Variants in NPIPB7 observed in about 807,000 individuals in gnomAD.
NPIPB7 encodes the protein nuclear pore complex-interacting protein family member B7.
For synonymous variants in NPIPB7, 9 were observed against 88.1 expected, an observed-to-expected ratio of 0.10 and a Z score of 5.03; for missense variants, 14 against 238.5, an observed-to-expected ratio of 0.06 and a Z score of 6.20.
At chr16:28,470,919 C>CT (rs1297737114), upstream of NPIPB7, among the ~76,000 whole-genome samples, 2 of 110,222 alleles carry the variant, frequency 1.8e-5, no homozygotes, top group Non-Finnish European at 3.8e-5. Flanking sequence ...TGGGCCCTCC[C>CT]TTAGCAAACC....
chr16:28,468,655 A>C (rs1641772324), intron 1 of NPIPB7, among the ~76,000 whole-genome samples: 1 of 145,278 alleles, frequency 6.9e-6, no homozygotes, highest in Admixed American at 7.1e-5. Flanking sequence ...AAATTACAAA[A>C]AATTAGCAGG....
chr16:28,468,726 G>A (rs2045920712), intron 1 of NPIPB7, among the ~76,000 whole-genome samples: 1 of 127,964 alleles, frequency 7.8e-6, no homozygotes, highest in Non-Finnish European at 1.7e-5. Context: ...AGAATCACTT[G>A]AACCCAGGAG....
intron 4 of NPIPB7, among the ~76,000 whole-genome samples, chr16:28,462,172 C>T (rs2141679740): frequency 6.7e-6 from 1 of 150,194 alleles, no homozygotes; most frequent in African/African-American, 2.5e-5. Context: ...CTAATCCCAG[C>T]ACTTTGGGAG....
chr16:28,461,896 C>G (rs2045872373), intron 4 of NPIPB7, among the ~76,000 whole-genome samples: 1 of 132,686 alleles, frequency 7.5e-6, no homozygotes. Context: ...TGCAGTGAGC[C>G]AAGATCATGC....
At position 28,460,615 on chromosome 16, in the gene NPIPB7, CAG is replaced by C. The variant is rs1472101112; in HGVS notation, c.546-2026_546-2025del. 8.6e-5 allele frequency among the ~76,000 whole-genome samples: 11 copies of C among 127,860 alleles called. 2 individuals are homozygous for C. The highest frequency in any genetic ancestry group is 2.1e-4 in the African/African-American group (7 of 33,282). The allele number at this position is 127,860 out of a possible 152,430, so 83.9% of individuals were successfully genotyped here. ...GTAAAATTCCCAGAACGCTAGGAAACAGGGGTGAAAACACTTCAAAGAGAAAG... is the reference window on the plus strand; with the variant it reads ...GTAAAATTCCCAGAACGCTAGGAAACGGGTGAAAACACTTCAAAGAGAAAG... On this transcript the variant is annotated intron_variant, in intron 4 of 6. Coordinates refer to ENST00000452313, the Ensembl canonical transcript of NPIPB7.
At chr16:28,471,819 A>G (rs2045952208), upstream of NPIPB7, among the ~76,000 whole-genome samples, 1 of 150,848 alleles carries the variant, frequency 6.6e-6, no homozygotes, top group Non-Finnish European at 1.5e-5. Flanking sequence ...TAAATTCTGA[A>G]CCCAAATGAG....
At chr16:28,462,473 C>T (rs1391936423) in intron 4 of NPIPB7, among the ~76,000 whole-genome samples, 1,823 of 118,302 alleles carry the variant, frequency 0.015, no homozygotes, top group South Asian at 0.075. Context: ...CTCCTCTTCC[C>T]CCGAAAAAAT....
At chr16:28,470,536 T>G (rs1596614770) in exon 1 of NPIPB7, 2 of 474,592 alleles carry the variant, frequency 4.2e-6, no homozygotes, top group East Asian at 9.7e-5. Flanking sequence ...GGGCCGGATC[T>G]GAGTTGGGGC....
At chr16:28,467,572 GT>G (rs1433639788) in intron 1 of NPIPB7, among the ~76,000 whole-genome samples, 34 of 140,714 alleles carry the variant, frequency 2.4e-4, no homozygotes, top group African/African-American at 8.6e-4. Flanking sequence ...TTTTGTTTTT[GT>G]TTTTGTTTGG....
upstream of NPIPB7, among the ~76,000 whole-genome samples, chr16:28,472,054 A>G (rs973568596): frequency 7.9e-5 from 12 of 152,354 alleles, no homozygotes; most frequent in Non-Finnish European, 1.3e-4. Context: ...TGGAGGATTC[A>G]CATTTCCTAT....
chr16:28,461,845 G>A (rs2045871790), intron 4 of NPIPB7, among the ~76,000 whole-genome samples: 1 of 141,784 alleles, frequency 7.1e-6, no homozygotes, highest in South Asian at 2.4e-4. Flanking sequence ...CTACTCAAGA[G>A]GCTGAGGGAT....
chr16:28,464,325 C>G (rs1337585945), intron 2 of NPIPB7, among the ~76,000 whole-genome samples: 1 of 150,408 alleles, frequency 6.6e-6, no homozygotes, highest in African/African-American at 2.5e-5. Flanking sequence ...TTGAACTTAA[C>G]GCAAAACATT....
intron 2 of NPIPB7, among the ~76,000 whole-genome samples, chr16:28,463,603 G>A (rs2045885723): frequency 6.8e-6 from 1 of 146,028 alleles, no homozygotes; most frequent in South Asian, 2.1e-4. Context: ...GTGCATGCCT[G>A]TAGTCCCAGC....
At chr16:28,461,976 C>T (rs1376859248) in intron 4 of NPIPB7, among the ~76,000 whole-genome samples, 2 of 145,250 alleles carry the variant, frequency 1.4e-5, no homozygotes, top group African/African-American at 2.6e-5. Context: ...AAAAATTGGC[C>T]GAATGTGGTG....
chr16:28,467,600 T>TG (rs1417905738), intron 1 of NPIPB7, among the ~76,000 whole-genome samples: 1 of 144,966 alleles, frequency 6.9e-6, no homozygotes, highest in Non-Finnish European at 1.5e-5. Context: ...GTTTTTGAGA[T>TG]GGGGTCTCAC....
At chr16:28,472,134 C>G (rs368009593), upstream of NPIPB7, among the ~76,000 whole-genome samples, 3 of 152,324 alleles carry the variant, frequency 2.0e-5, no homozygotes, top group Admixed American at 6.5e-5. Context: ...AAACCTGGGT[C>G]TGGTGCAGTG....
At chr16:28,464,414 G>C (rs1187043076) in intron 2 of NPIPB7, among the ~76,000 whole-genome samples, 5 of 152,148 alleles carry the variant, frequency 3.3e-5, no homozygotes, top group Admixed American at 2.0e-4. Context: ...TTAAATATTT[G>C]TTCTCATCAT....
intron 2 of NPIPB7, among the ~76,000 whole-genome samples, chr16:28,463,681 G>C (rs1596611778): frequency 1.1e-5 from 1 of 93,808 alleles, no homozygotes; most frequent in South Asian, 3.5e-4. Flanking sequence ...AGCTGAGATT[G>C]TGCCATTGCA....
At chr16:28,470,826 C>A (rs1160727028), upstream of NPIPB7, among the ~76,000 whole-genome samples, 3 of 139,288 alleles carry the variant, frequency 2.2e-5, no homozygotes, top group African/African-American at 5.2e-5. Flanking sequence ...AGCAACAGGA[C>A]ACGCGGGGCA....
Sources: gnomAD v4.1 joint callset for allele counts (sites outside exome capture counted in the v4.1 genomes callset) on GRCh38, gnomAD v4.1.1 for gene constraint, MANE v1.5 for transcripts, NCBI Gene and HGNC (gene_info 2026-07-23, HGNC 2026-07-21) for gene names.